Variants in QSER1 observed in about 807,000 individuals in gnomAD.
QSER1 encodes the protein glutamine and serine rich 1.
QSER1 carries 49 observed loss-of-function variants against 158.5 expected under a neutral mutation model. The ratio of observed to expected loss-of-function variants is 0.31; its 90% CI spans 0.25 to 0.39. QSER1 has a LOEUF of 0.39. Ranked by LOEUF, QSER1 falls within the 10% of genes least tolerant of loss-of-function variation. The pLI, the probability that QSER1 is intolerant of heterozygous loss-of-function variation, is 1.00. For missense variants in QSER1, 1,754 were observed against 2,010.3 expected (o/e 0.87, Z 2.44); for synonymous variants, 650 against 715.5 (o/e 0.91, Z 1.46).
chr11:32,972,713 G>C (rs1418110818), intron 10 of QSER1, among the ~76,000 whole-genome samples: 1 of 152,122 alleles, frequency 6.6e-6, no homozygotes, highest in Non-Finnish European at 1.5e-5. Context: ...TGGGATTACA[G>C]GCATGAGCCA....
chr11:32,912,199 A>G (rs1851775741), intron 1 of QSER1, among the ~76,000 whole-genome samples: 1 of 152,220 alleles, frequency 6.6e-6, no homozygotes, highest in Admixed American at 6.5e-5. Context: ...ATTTCTCACA[A>G]CATGTCTCTT....
Position 32,966,309 on chromosome 11 carries a change from C to T in QSER1, c.4979C>T (p.Pro1660Leu). 3 of 1,613,264 alleles carry T rather than the reference C, an allele frequency of 1.9e-6. No homozygotes were observed. Among genetic ancestry groups the T allele is most frequent in the Non-Finnish European group, 2.5e-6 (3 of 1,179,744 alleles). ...CCTTTCTCCCTCCCAGAATTTGAAC[C>T]TCCCGCTCCCTTTGTCACTCGCTTT... ...TSSSDDEEFEPPAPFVTRFLN... is the reference protein window; with the variant it reads ...TSSSDDEEFELPAPFVTRFLN... Residue 1660 changes from proline to leucine, a missense_variant, in exon 9 of 13, where the codon CCT (proline) becomes CTT (leucine). Around this residue, in one of 2 missense-constraint regions of QSER1, gnomAD observed 1,707 missense variants for 1,919.6 expected, o/e 0.89. Transcript: ENST00000650167.
rs771338526 is a variant in QSER1 at position 32,934,380 on chromosome 11, A to G, written c.3122A>G (p.Lys1041Arg). 1.5e-5 allele frequency: 25 copies of G among 1,613,758 alleles called. No individual in the cohort carries two copies. In the Admixed American group the frequency reaches 4.2e-4, roughly 27 times the overall value. Residue 1041 changes from lysine (K) to arginine (R), a missense_variant, in exon 4 of 13, where the codon AAG becomes AGG. Physicochemically the swap from Lys to Arg is conservative, Grantham distance 26. Around this residue, in one of 2 missense-constraint regions of QSER1, gnomAD observed 1,707 missense variants for 1,919.6 expected, o/e 0.89. Coordinates refer to ENST00000650167, the MANE Select transcript of QSER1 (RefSeq NM_001076786.3). The stretch of plus-strand genomic sequence containing the variant: ...AACTCTATGACAGCTACAGTAGGAA[A>G]GCCACAGAATATAAATGATACTTCC... Reference protein sequence around the residue: ...DFNSMTATVGKPQNINDTSLN... With the variant: ...DFNSMTATVGRPQNINDTSLN...
Position 32,922,997 on chromosome 11 carries a change from T to A in QSER1, c.210-4160T>A, listed in dbSNP as rs116824694. ...AAACTTATGTTCACACAAAAACTTA[T>A]GCACATGTGTATAGCAGCTATATTC... On this transcript the variant is annotated intron_variant, in intron 1 of 12. Coordinates refer to ENST00000650167, the MANE Select transcript of QSER1 (RefSeq NM_001076786.3). Among the ~76,000 whole-genome samples the A allele has an allele frequency of 5.6e-3, 849 of 152,324 alleles. 8 individuals carry two copies. The highest frequency in any genetic ancestry group is 0.018 in the African/African-American group (766 of 41,554).
At chr11:32,908,551 C>T (rs979436138) in intron 1 of QSER1, among the ~76,000 whole-genome samples, 9 of 152,002 alleles carry the variant, frequency 5.9e-5, no homozygotes, top group African/African-American at 2.2e-4. Flanking sequence ...TCTGTTTAAC[C>T]AACTTGAGTG....
intron 1 of QSER1, among the ~76,000 whole-genome samples, chr11:32,905,150 G>T (rs1345307569): frequency 6.6e-6 from 1 of 152,168 alleles, no homozygotes. Flanking sequence ...CATTTATGGG[G>T]TGTAACTAAA....
intron 1 of QSER1, among the ~76,000 whole-genome samples, chr11:32,894,045 C>T (rs1233701228): frequency 1.6e-5 from 2 of 121,910 alleles, no homozygotes; most frequent in African/African-American, 6.3e-5. Context: ...TTCTATGCCT[C>T]GGGGTGACTG....
At position 32,933,354 on chromosome 11, in the gene QSER1, A is replaced by G; in HGVS notation, c.2096A>G (p.Gln699Arg). The G allele has an allele frequency of 6.2e-7, 1 of 1,613,032 alleles. No individual in the cohort carries two copies. The highest frequency in any genetic ancestry group is 1.3e-5 in the African/African-American group (1 of 74,994). Residue 699 changes from glutamine (Q) to arginine (R), a missense_variant, in exon 4 of 13, where the codon CAG becomes CGG. Coordinates refer to ENST00000650167, the MANE Select transcript of QSER1 (RefSeq NM_001076786.3). ...QEDGFPMQEL[Q>R]VLQPQASLES... ...GATGGTTTTCCAATGCAAGAGTTAC[A>G]GGTGTTGCAGCCACAAGCATCTCTT...
chr11:32,945,776 G>T (rs2133569816), intron 4 of QSER1, among the ~76,000 whole-genome samples: 1 of 151,888 alleles, frequency 6.6e-6, no homozygotes, highest in African/African-American at 2.4e-5. Context: ...GAATCTGAAC[G>T]TTGGCCTGCC....
In QSER1 at chr11:32,933,232, T is replaced by C. The variant is rs1414091169; in HGVS notation, c.1974T>C (p.His658=). The C allele has an allele frequency of 6.2e-7, 1 of 1,613,880 alleles. No individual in the cohort carries two copies. Among genetic ancestry groups the C allele is most frequent in the Non-Finnish European group, 8.5e-7 (1 of 1,179,968 alleles). ...CATCATCTTTTGCATCCTCTACTCA[T>C]TGTCAGACATTACAAAATAACATAA... ...VQSSSFASST[H]CQTLQNNITS... is the part of the protein sequence containing the mutation. Residue 658 remains histidine (H), a synonymous_variant, in exon 4 of 13, where the codon CAT becomes CAC. Transcript: ENST00000650167.
chr11:32,972,062 CAA>C (rs60529699), intron 10 of QSER1, among the ~76,000 whole-genome samples: 8,610 of 110,652 alleles, frequency 0.078, 659 homozygotes, highest in African/African-American at 0.22. Context: ...GACTCCATCT[CAA>C]AAAAAAAAAA....
At chr11:32,915,325 T>A (rs1766775076) in intron 1 of QSER1, among the ~76,000 whole-genome samples, 1 of 152,202 alleles carries the variant, frequency 6.6e-6, no homozygotes. Flanking sequence ...CATACCTTAC[T>A]CATGAGTGTG....
intron 1 of QSER1, among the ~76,000 whole-genome samples, chr11:32,898,482 TCA>T (rs71034630): frequency 0.1 from 14,305 of 142,816 alleles, 778 homozygotes; most frequent in East Asian, 0.13. Context: ...TGAGAACCTG[TCA>T]CACACACACA....
Position 32,934,968 on chromosome 11 carries a change from A to G in QSER1, c.3710A>G (p.Asp1237Gly). The change falls in exon 4 of 13, where the codon GAT becomes GGT. Residue 1237 changes from aspartate to glycine, a missense_variant. Asp to Gly is a moderately conservative substitution (Grantham distance 94). Around this residue, in one of 2 missense-constraint regions of QSER1, gnomAD observed 1,707 missense variants for 1,919.6 expected, o/e 0.89. Transcript: ENST00000650167. ...QGKRQNPRGT[D>G]IYLPYTPPSS... The stretch of plus-strand genomic sequence containing the variant: ...AAACGCCAGAATCCAAGGGGAACAG[A>G]TATTTACTTACCGTATACTCCTCCT... The G allele has an allele frequency of 6.2e-7, 1 of 1,614,182 alleles. No homozygotes were observed. The highest frequency in any genetic ancestry group is 8.5e-7 in the Non-Finnish European group (1 of 1,180,018).
intron 4 of QSER1, 113 bp downstream of exon 4, chr11:32,935,548 C>A: frequency 1.3e-6 from 1 of 766,576 alleles, no homozygotes; most frequent in Non-Finnish European, 2.0e-6. Flanking sequence ...ATTTTCAGGA[C>A]AAAATGTATA....
Position 32,978,119 on chromosome 11 carries a change from C to G in QSER1, c.*1645C>G, listed in dbSNP as rs1354487633. On this transcript the variant is annotated 3_prime_UTR_variant, in exon 13 of 13. Coordinates refer to ENST00000650167, the MANE Select transcript of QSER1 (RefSeq NM_001076786.3). ...TTATTAAAAGCAATAATCCTTAATA[C>G]TGTACTTGCCATTAGACTAGGTACT... is the stretch of plus-strand genomic sequence containing the variant. The G allele has an allele frequency of 6.6e-6, 1 of 152,570 alleles. No homozygotes were observed. Among genetic ancestry groups the G allele is most frequent in the Non-Finnish European group, 1.5e-5 (1 of 68,002 alleles). The allele number at this position is 152,570 out of a possible 1,614,324, so 9.5% of individuals were successfully genotyped here.
chr11:32,922,979 T>C (rs760681794), intron 1 of QSER1, among the ~76,000 whole-genome samples: 1 of 152,330 alleles, frequency 6.6e-6, no homozygotes, highest in Non-Finnish European at 1.5e-5. Flanking sequence ...TTAAAACTTA[T>C]GTTCACACAA....
At chr11:32,940,703 T>C (rs542655370) in intron 4 of QSER1, among the ~76,000 whole-genome samples, 1 of 152,306 alleles carries the variant, frequency 6.6e-6, no homozygotes, top group African/African-American at 2.4e-5. Context: ...TTCATTTAGA[T>C]TGTAAACTTT....
At chr11:32,901,518 A>G (rs1316629161) in intron 1 of QSER1, among the ~76,000 whole-genome samples, 1 of 152,212 alleles carries the variant, frequency 6.6e-6, no homozygotes, top group Non-Finnish European at 1.5e-5. Context: ...AGTACAAAGA[A>G]GGAGCTCCTA....
Sources: gnomAD v4.1 joint callset for allele counts (sites outside exome capture counted in the v4.1 genomes callset) on GRCh38, gnomAD v4.1.1 for gene constraint, gnomAD v4.1.1 regional missense constraint, MANE v1.5 for transcripts, NCBI Gene and HGNC (gene_info 2026-07-23, HGNC 2026-07-21) for gene names.